Variants in DOCK8 observed in about 807,000 individuals in gnomAD.
The protein encoded by DOCK8 is dedicator of cytokinesis protein 8.
Under a neutral mutation model 245.6 loss-of-function variants are expected in DOCK8, and 141 were observed. The ratio of observed to expected loss-of-function variants is 0.57; its 90% CI spans 0.50 to 0.66. The LOEUF is 0.66. Among genes scored for constraint, DOCK8 ranks in the 30% least tolerant of loss-of-function variants. DOCK8 has a pLI of 0.00. For missense variants in DOCK8, 2,965 were observed against 2,603.4 expected, an observed-to-expected ratio of 1.14 and a Z score of -3.02; for synonymous variants, 1,168 against 970.2, an observed-to-expected ratio of 1.20 and a Z score of -3.79.
chr9:377,788 G>A (rs369292986), intron 20 of DOCK8, among the ~76,000 whole-genome samples: 21 of 152,202 alleles, frequency 1.4e-4, no homozygotes, highest in Admixed American at 5.2e-4. Context: ...GAACTCATCC[G>A]TTCTCTCTTA....
intron 1 of DOCK8, among the ~76,000 whole-genome samples, chr9:222,367 A>C (rs1354278928): frequency 2.6e-5 from 4 of 152,182 alleles, no homozygotes; most frequent in Admixed American, 2.6e-4. Flanking sequence ...GCGCTAGTGC[A>C]AACACCTCCT....
rs143008075 is a variant in DOCK8, at chr9:420,354, G to A, written c.3841-47G>A. 6.2e-4 allele frequency: 1,000 copies of A among 1,610,294 alleles called. 7 individuals are homozygous for A. In the African/African-American group the frequency reaches 0.011, roughly 17 times the overall value. On this transcript the variant is annotated intron_variant, in intron 30 of 47. Coordinates refer to ENST00000432829, the MANE Select transcript of DOCK8 (RefSeq NM_203447.4). Reference sequence around the variant, plus strand: ...CTGTTAAGCCTCAAATTTTTCTGTTGCTTGACTTCTTCCCTGGCCTCCATC... The same window carrying A: ...CTGTTAAGCCTCAAATTTTTCTGTTACTTGACTTCTTCCCTGGCCTCCATC...
At chr9:372,803 G>A (rs1056012868) in intron 18 of DOCK8, among the ~76,000 whole-genome samples, 1 of 147,674 alleles carries the variant, frequency 6.8e-6, no homozygotes, top group Non-Finnish European at 1.5e-5. Flanking sequence ...AGAAGCCCAG[G>A]TGGATCAACT....
At chr9:216,198 T>G (rs1361533868) in intron 1 of DOCK8, among the ~76,000 whole-genome samples, 7 of 152,102 alleles carry the variant, frequency 4.6e-5, no homozygotes, top group Non-Finnish European at 1.0e-4. Flanking sequence ...TTTATGTATA[T>G]TGCATATTAA....
intron 6 of DOCK8, chr9:313,074 T>C (rs188807583): frequency 3.5e-4 from 53 of 152,562 alleles, no homozygotes; most frequent in African/African-American, 1.2e-3. Flanking sequence ...TTGTGTTTGC[T>C]AACCTGCCCT....
At chr9:309,741 C>G (rs1321754492) in intron 5 of DOCK8, among the ~76,000 whole-genome samples, 1 of 152,196 alleles carries the variant, frequency 6.6e-6, no homozygotes, top group Admixed American at 6.5e-5. Context: ...TGCCCACTCC[C>G]ACATCGACCT....
intron 46 of DOCK8, among the ~76,000 whole-genome samples, chr9:462,237 G>A (rs1245715861): frequency 6.6e-6 from 1 of 152,152 alleles, no homozygotes; most frequent in African/African-American, 2.4e-5. Flanking sequence ...TGGTTTGGCT[G>A]AATCCTAGCA....
chr9:403,917 C>CGTGTAT (rs1465035002), intron 26 of DOCK8, among the ~76,000 whole-genome samples: 1 of 65,138 alleles, frequency 1.5e-5, no homozygotes, highest in African/African-American at 8.1e-5. Flanking sequence ...TATATATATA[C>CGTGTAT]ATATATATAT....
At chr9:283,862 G>T (rs930037691) in intron 2 of DOCK8, among the ~76,000 whole-genome samples, 16 of 152,118 alleles carry the variant, frequency 1.1e-4, no homozygotes, top group African/African-American at 3.6e-4. Flanking sequence ...GTTCCATCCC[G>T]TGGATGTCTC....
chr9:395,626 A>G (rs1398803413), intron 24 of DOCK8, among the ~76,000 whole-genome samples: 10 of 151,954 alleles, frequency 6.6e-5, no homozygotes, highest in Admixed American at 6.6e-4. Context: ...GAGTGTAGGG[A>G]CCCAACCACA....
chr9:339,263 C>T (rs1351696839), intron 13 of DOCK8, among the ~76,000 whole-genome samples, 164 bp downstream of exon 13: 1 of 152,084 alleles, frequency 6.6e-6, no homozygotes, highest in Admixed American at 6.5e-5. Flanking sequence ...CTTTGGCAAA[C>T]CTATTAATGT....
At chr9:271,585 T>G in intron 1 of DOCK8, 42 bp from the exon 2 acceptor site, 2 of 1,408,384 alleles carry the variant, frequency 1.4e-6, no homozygotes, top group Non-Finnish European at 2.0e-6. Flanking sequence ...GATGATTTCC[T>G]AAAATAATCA....
At chr9:256,043 C>T (rs2047764874) in intron 1 of DOCK8, among the ~76,000 whole-genome samples, 2 of 152,336 alleles carry the variant, frequency 1.3e-5, no homozygotes, top group Non-Finnish European at 2.9e-5. Context: ...GAGATTATTA[C>T]TTCTGCATCT....
intron 26 of DOCK8, among the ~76,000 whole-genome samples, chr9:403,232 A>T (rs1056787097): frequency 6.6e-6 from 1 of 152,204 alleles, no homozygotes. Flanking sequence ...CCTATGAAAG[A>T]TACCCATAGT....
chr9:427,383 A>T (rs1046674949), intron 34 of DOCK8, among the ~76,000 whole-genome samples: 1 of 152,216 alleles, frequency 6.6e-6, no homozygotes, highest in Non-Finnish European at 1.5e-5. Context: ...AGCTATGATT[A>T]TGACTAGGCT....
In DOCK8 at chr9:400,893, CCTCCCCCACTACCAACAG is replaced by C. The variant is rs1445120022; in HGVS notation, c.3234+1639_3234+1656del. On this transcript the variant is annotated intron_variant, in intron 26 of 47. Coordinates refer to ENST00000432829, the MANE Select transcript of DOCK8 (RefSeq NM_203447.4). ...ATCACCACCACCTCCACCACCACCA[CCTCCCCCACTACCAACAG>C]CTCCTTCACCATCACCACAACATCC... Among the ~76,000 whole-genome samples the C allele has an allele frequency of 2.3e-5, 2 of 86,950 alleles. 1 individual carries two copies. Among genetic ancestry groups the C allele is most frequent in the Non-Finnish European group, 4.1e-5 (2 of 48,266 alleles). The allele number at this position is 86,950 out of a possible 152,430, so 57.0% of individuals were successfully genotyped here. A position where few individuals can be genotyped will look rare whatever the true frequency, so the allele number is the denominator to read the frequency against.
At chr9:450,701 A>T (rs2057400145) in intron 45 of DOCK8, among the ~76,000 whole-genome samples, 1 of 152,064 alleles carries the variant, frequency 6.6e-6, no homozygotes, top group African/African-American at 2.4e-5. Flanking sequence ...GAGAAGAGAA[A>T]TGCCTATTAC....
chr9:449,102 G>A (rs971150258), intron 44 of DOCK8, among the ~76,000 whole-genome samples: 1 of 152,196 alleles, frequency 6.6e-6, no homozygotes, highest in Non-Finnish European at 1.5e-5. Context: ...TGTAATCCCA[G>A]CACTTTGGGA....
rs145147938 is a variant in DOCK8 at position 389,998 on chromosome 9, C to T, written c.2875-473C>T. ...TTACGCCACCGCATTCCAGCCTGGG[C>T]GACAGAGTGCAGCCCTATCTCAAAA... is the stretch of plus-strand genomic sequence containing the variant. On this transcript the variant is annotated intron_variant, in intron 23 of 47. Coordinates refer to ENST00000432829, the MANE Select transcript of DOCK8 (RefSeq NM_203447.4). Among the ~76,000 whole-genome samples, 903 of 151,238 alleles carry T rather than the reference C, an allele frequency of 6.0e-3. 8 individuals are homozygous for T. Among genetic ancestry groups the T allele is most frequent in the South Asian group, 0.02 (94 of 4,764 alleles).
Sources: allele counts gnomAD v4.1 joint callset (sites outside exome capture counted in the v4.1 genomes callset), GRCh38; gene constraint gnomAD v4.1.1; transcripts MANE v1.5; gene names NCBI Gene and HGNC (gene_info 2026-07-23, HGNC 2026-07-21).